Variants in JARID2 observed in about 807,000 individuals in gnomAD.
JARID2 encodes the protein jumonji and AT-rich interaction domain containing 2, also known as protein Jumonji.
In JARID2, 21 loss-of-function variants were observed where a neutral mutation model predicts 125.6. The ratio of observed to expected loss-of-function variants is 0.17; its 90% CI spans 0.12 to 0.24. The LOEUF (loss-of-function observed/expected upper bound fraction) is 0.24. Ranked by LOEUF, JARID2 falls within the 10% of genes least tolerant of loss-of-function variation. The pLI, the probability that JARID2 is intolerant of heterozygous loss-of-function variation, is 1.00. For missense variants in JARID2, 1,303 were observed against 1,639.6 expected, an observed-to-expected ratio of 0.79 and a Z score of 3.55; for synonymous variants, 736 against 661.6, an observed-to-expected ratio of 1.11 and a Z score of -1.73.
At chr6:15,349,744 A>G (rs1234516361) in intron 1 of JARID2, among the ~76,000 whole-genome samples, 1 of 152,134 alleles carries the variant, frequency 6.6e-6, no homozygotes, top group Non-Finnish European at 1.5e-5. Flanking sequence ...CTATCAAAAG[A>G]CAGAAGGAAA....
At chr6:15,284,158 CTTTT>C (rs1363325927) in intron 1 of JARID2, among the ~76,000 whole-genome samples, 1 of 152,078 alleles carries the variant, frequency 6.6e-6, no homozygotes, top group Non-Finnish European at 1.5e-5. Flanking sequence ...AATTATCTTT[CTTTT>C]TATTACCTCC....
chr6:15,466,501 A>G (rs576117262), intron 4 of JARID2, among the ~76,000 whole-genome samples: 2 of 152,364 alleles, frequency 1.3e-5, no homozygotes, highest in East Asian at 1.9e-4. Flanking sequence ...AAAACTTACA[A>G]GTTCTCTCCT....
At chr6:15,473,005 A>T (rs541350847) in intron 5 of JARID2, among the ~76,000 whole-genome samples, 80 of 152,134 alleles carry the variant, frequency 5.3e-4, no homozygotes, top group African/African-American at 1.3e-3. Context: ...CTCCACTAGA[A>T]TTTTTCCTAC....
intron 1 of JARID2, among the ~76,000 whole-genome samples, chr6:15,324,831 C>T (rs1430418659): frequency 1.3e-5 from 2 of 149,528 alleles, no homozygotes; most frequent in African/African-American, 4.9e-5. Flanking sequence ...AAGTACGGGT[C>T]AGAGGTGGTT....
intron 3 of JARID2, among the ~76,000 whole-genome samples, chr6:15,449,366 AC>A (rs1466466226): frequency 6.6e-6 from 1 of 151,990 alleles, no homozygotes; most frequent in Non-Finnish European, 1.5e-5. Context: ...GCTTTTTGGG[AC>A]AGGCATCATG....
chr6:15,454,771 A>G (rs1009692571), intron 4 of JARID2, among the ~76,000 whole-genome samples: 1 of 152,120 alleles, frequency 6.6e-6, no homozygotes, highest in Non-Finnish European at 1.5e-5. Context: ...GGCATGAGCC[A>G]ACATGCCTTA....
At chr6:15,426,458 C>T (rs1222633910) in intron 3 of JARID2, among the ~76,000 whole-genome samples, 1 of 152,174 alleles carries the variant, frequency 6.6e-6, no homozygotes, top group East Asian at 1.9e-4. Flanking sequence ...CCCAGCTAGG[C>T]AGACTGGAAA....
intron 12 of JARID2, among the ~76,000 whole-genome samples, chr6:15,509,649 GC>G (rs1027092326): frequency 7.2e-5 from 11 of 152,264 alleles, no homozygotes; most frequent in African/African-American, 2.7e-4. Context: ...AGGTGCCTTT[GC>G]CTCCGGAAGA....
At chr6:15,322,594 AG>A in intron 1 of JARID2, among the ~76,000 whole-genome samples, 1 of 152,348 alleles carries the variant, frequency 6.6e-6, no homozygotes, top group East Asian at 1.9e-4. Flanking sequence ...CTTAGATTTC[AG>A]GGATTTGACT....
intron 2 of JARID2, among the ~76,000 whole-genome samples, chr6:15,392,764 A>T (rs1765073137): frequency 1.4e-5 from 2 of 142,706 alleles, no homozygotes; most frequent in East Asian, 2.1e-4. Flanking sequence ...CGCTCATTGT[A>T]ACCTCCACCT....
At chr6:15,390,746 A>G (rs1190382005) in intron 2 of JARID2, among the ~76,000 whole-genome samples, 1 of 152,070 alleles carries the variant, frequency 6.6e-6, no homozygotes, top group East Asian at 1.9e-4. Flanking sequence ...TCCTGGAGAG[A>G]ATGGCTGGGC....
At chr6:15,284,631 C>T (rs535132396) in intron 1 of JARID2, among the ~76,000 whole-genome samples, 196 of 151,586 alleles carry the variant, frequency 1.3e-3, no homozygotes, top group African/African-American at 4.4e-3. Context: ...GGATTACAGG[C>T]GCCTGCCAAC....
At chr6:15,457,151 C>G (rs916342511) in intron 4 of JARID2, among the ~76,000 whole-genome samples, 2 of 152,114 alleles carry the variant, frequency 1.3e-5, no homozygotes, top group Non-Finnish European at 2.9e-5. Context: ...ACAAAAATGC[C>G]TGTCATTTCA....
chr6:15,333,034 C>A (rs1412331666), intron 1 of JARID2, among the ~76,000 whole-genome samples: 1 of 148,714 alleles, frequency 6.7e-6, no homozygotes, highest in Non-Finnish European at 1.5e-5. Context: ...CGGGTTCACG[C>A]CATTCTCCTG....
chr6:15,485,543 C>T (rs1297339912), intron 5 of JARID2, among the ~76,000 whole-genome samples: 2 of 152,022 alleles, frequency 1.3e-5, no homozygotes, highest in African/African-American at 4.8e-5. Flanking sequence ...ATTCTTAGCA[C>T]AAAAGTATAT....
chr6:15,410,881 G>C lies in JARID2; in HGVS notation c.323+516G>C, dbSNP rs151144772. The stretch of plus-strand genomic sequence containing the variant: ...TTGGTGCTTAAAACTTAGAACAGCA[G>C]TTATTTTTATGTGGCTTTCCTAAAT... On this transcript the variant is annotated intron_variant, in intron 3 of 17. Transcript: ENST00000341776. Among the ~76,000 whole-genome samples the C allele has an allele frequency of 1.3e-4, 20 of 152,326 alleles. No homozygotes were observed. The East Asian group carries it at 3.9e-3, about 29-fold the overall frequency.
intron 14 of JARID2, among the ~76,000 whole-genome samples, chr6:15,512,692 G>A (rs765142833): frequency 6.6e-6 from 1 of 152,084 alleles, no homozygotes; most frequent in Non-Finnish European, 1.5e-5. Context: ...TCCACCCATC[G>A]TGAGGGAGTG....
At chr6:15,354,705 G>T (rs994178821) in intron 1 of JARID2, among the ~76,000 whole-genome samples, 1 of 152,258 alleles carries the variant, frequency 6.6e-6, no homozygotes, top group Middle Eastern at 3.4e-3. Context: ...ACAGTATATC[G>T]AATGCTACTT....
intron 5 of JARID2, among the ~76,000 whole-genome samples, chr6:15,469,330 CT>C (rs1207716557): frequency 4.9e-5 from 5 of 102,162 alleles, no homozygotes; most frequent in African/African-American, 1.6e-4. Context: ...CTCTCTCTCT[CT>C]CTCTCCTGTC....
Sources: gnomAD v4.1 joint callset for allele counts (sites outside exome capture counted in the v4.1 genomes callset) on GRCh38, gnomAD v4.1.1 for gene constraint, MANE v1.5 for transcripts, NCBI Gene and HGNC (gene_info 2026-07-23, HGNC 2026-07-21) for gene names.